Variants in KIAA0319 observed in about 807,000 individuals in gnomAD.
KIAA0319 encodes the protein KIAA0319.
KIAA0319 carries 83 observed loss-of-function variants against 108.4 expected under a neutral mutation model. That is an observed-to-expected ratio of 0.77 (90% confidence interval 0.64 to 0.92). The LOEUF (loss-of-function observed/expected upper bound fraction) is 0.92, where lower values mean the gene tolerates loss of function less well. KIAA0319 is among the 40% of genes least tolerant of loss of function. The probability of loss-of-function intolerance (pLI) is 0.00; values close to 1 mark genes in which losing one functional copy is unlikely to be tolerated. For synonymous variants in KIAA0319, 484 were observed against 510.4 expected (o/e 0.95, Z 0.70); for missense variants, 1,195 against 1,322.4 (o/e 0.90, Z 1.49).
intron 3 of KIAA0319, among the ~76,000 whole-genome samples, chr6:24,595,559 A>AC (rs1396964391): frequency 1.3e-5 from 2 of 149,260 alleles, no homozygotes; most frequent in Non-Finnish European, 3.0e-5. Flanking sequence ...AAAAAAAAAA[A>AC]AAAAAAAAAA....
At chr6:24,573,889 G>C (rs2744556) in intron 10 of KIAA0319, among the ~76,000 whole-genome samples, 28,947 of 151,884 alleles carry the variant, frequency 0.19, 3,035 homozygotes, top group African/African-American at 0.29. Flanking sequence ...GGCTACGGCG[G>C]GTGGATCATG....
intron 1 of KIAA0319, among the ~76,000 whole-genome samples, chr6:24,618,479 T>C (rs1053295467): frequency 3.3e-5 from 5 of 151,450 alleles, no homozygotes; most frequent in African/African-American, 9.7e-5. Context: ...CCAGGCATGG[T>C]GGTGTGCACT....
Position 24,596,479 on chromosome 6 carries a change from G to A in KIAA0319, c.195C>T (p.Ser65=), listed in dbSNP as rs781701803. Reference sequence around the variant, plus strand: ...CGAACCACCAGGCCAGGTCACAGCTGGACAGGTCACAGCAAGCGGCCGTGC... The same window carrying A: ...CGAACCACCAGGCCAGGTCACAGCTAGACAGGTCACAGCAAGCGGCCGTGC... ...VDCTAACCDL[S]SCDLAWWFEG... is the part of the protein sequence containing the mutation. The change falls in exon 3 of 21, where the codon TCC becomes TCT. Residue 65 remains serine (S), a synonymous_variant. Transcript: ENST00000378214. 10 of 1,614,160 alleles carry A rather than the reference G, an allele frequency of 6.2e-6. No homozygotes were observed. The highest frequency in any genetic ancestry group is 1.1e-5 in the South Asian group (1 of 91,080).
chr6:24,568,074 C>T (rs1353606305), intron 13 of KIAA0319, among the ~76,000 whole-genome samples: 1 of 152,204 alleles, frequency 6.6e-6, no homozygotes, highest in East Asian at 1.9e-4. Context: ...GTCCAAACCC[C>T]TAAGCATGGC....
In KIAA0319 at chr6:24,595,563, A is replaced by AAAAC. The variant is rs1554164885; in HGVS notation, c.801+309_801+310insGTTT. Reference sequence around the variant, plus strand: ...TTCAATCTCAAAAAAAAAAAAAAAAAAAAAAAACGCTACAGGCATTTCTAG... The same window carrying AAAAC: ...TTCAATCTCAAAAAAAAAAAAAAAAAAAACAAAAAAACGCTACAGGCATTTCTAG... On this transcript the variant is annotated intron_variant, in intron 3 of 20. Transcript: ENST00000378214. Among the ~76,000 whole-genome samples the AAAAC allele has an allele frequency of 1.1e-4, 16 of 143,084 alleles. 3 individuals carry two copies. Among genetic ancestry groups the AAAAC allele is most frequent in the East Asian group, 2.1e-4 (1 of 4,820 alleles). 93.9% of individuals were successfully genotyped at this position (143,084 alleles called of 152,430 possible). A position where few individuals can be genotyped will look rare whatever the true frequency, so the allele number is the denominator to read the frequency against.
intron 1 of KIAA0319, among the ~76,000 whole-genome samples, chr6:24,630,754 AC>A (rs1347854719): frequency 9.9e-5 from 15 of 151,096 alleles, no homozygotes; most frequent in African/African-American, 2.7e-4. Flanking sequence ...GTTGTATAAT[AC>A]TTTCATTCAA....
At chr6:24,590,838 C>T (rs1490334509) in intron 3 of KIAA0319, among the ~76,000 whole-genome samples, 3 of 152,190 alleles carry the variant, frequency 2.0e-5, no homozygotes, top group African/African-American at 7.2e-5. Flanking sequence ...CCACCCACAA[C>T]CTCCACCACA....
At chr6:24,589,722 T>C (rs1163346420) in intron 3 of KIAA0319, among the ~76,000 whole-genome samples, 1 of 152,242 alleles carries the variant, frequency 6.6e-6, no homozygotes, top group Non-Finnish European at 1.5e-5. Context: ...TTTATAGCAA[T>C]GTAAGAATGG....
chr6:24,544,810 T>G lies in KIAA0319; in HGVS notation c.*2355A>C, dbSNP rs1760436934. On this transcript the variant is annotated 3_prime_UTR_variant, in exon 21 of 21. Coordinates refer to ENST00000378214, the MANE Select transcript of KIAA0319 (RefSeq NM_014809.4). ...AAGAATGCTGGTTGGTCATTCCATCTCGTGCTTTGTTCTGATGAGAAATGG... is the reference window on the plus strand; with the variant it reads ...AAGAATGCTGGTTGGTCATTCCATCGCGTGCTTTGTTCTGATGAGAAATGG... The G allele has an allele frequency of 6.6e-6, 1 of 152,260 alleles. No individual in the cohort carries two copies. The highest frequency in any genetic ancestry group is 1.5e-5 in the Non-Finnish European group (1 of 68,068). 9.4% of individuals were successfully genotyped at this position (152,260 alleles called of 1,614,324 possible). A position where few individuals can be genotyped will look rare whatever the true frequency, so the allele number is the denominator to read the frequency against.
At position 24,582,327 on chromosome 6, in the gene KIAA0319, T is replaced by C. The variant is rs1390509865; in HGVS notation, c.1113A>G (p.Glu371=). The C allele has an allele frequency of 6.2e-7, 1 of 1,609,830 alleles. No homozygotes were observed. Among genetic ancestry groups the C allele is most frequent in the Non-Finnish European group, 8.5e-7 (1 of 1,176,364 alleles). The change falls in exon 6 of 21, where the codon GAA becomes GAG. Residue 371 remains glutamate (E), a synonymous_variant. Transcript: ENST00000378214. The stretch of plus-strand genomic sequence containing the variant: ...CTGTGGGGTGGCTTATTAAATTCCA[T>C]TCATAGTTGTAGGTTGTTTCTGAGA... ...APPVETTYNY[E]WNLISHPTDY...
rs768997355 is a variant in KIAA0319 at position 24,583,612 on chromosome 6, G to A, written c.1085C>T (p.Pro362Leu). Reference protein sequence around the residue: ...VELKAFVAPAPPVETTYNYEW... With the variant: ...VELKAFVAPALPVETTYNYEW... ...GAAGGTTAAACTCTCACCTACAGGT[G>A]GCGCTGGCGCAACAAAGGCCTTCAG... Residue 362 changes from proline (P) to leucine (L), a missense_variant, in exon 5 of 21, where the codon CCA becomes CTA. Transcript: ENST00000378214. 29 of 1,611,670 alleles carry A rather than the reference G, an allele frequency of 1.8e-5. No homozygotes were observed. The highest frequency in any genetic ancestry group is 2.4e-5 in the Non-Finnish European group (28 of 1,178,010).
At chr6:24,598,928 T>C (rs1770173477) in intron 2 of KIAA0319, 11 of 509,420 alleles carry the variant, frequency 2.2e-5, no homozygotes. Context: ...AGAATGAATT[T>C]GTCCTCATCA....
chr6:24,558,291 A>T (rs2760167), intron 17 of KIAA0319, among the ~76,000 whole-genome samples: 44,129 of 151,312 alleles, frequency 0.29, 7,736 homozygotes, highest in African/African-American at 0.49. Flanking sequence ...AAGAAAAGAA[A>T]AAAGGAGTTA....
rs1374738684 is a variant in KIAA0319 at position 24,547,285 on chromosome 6, A to C, written c.3099T>G (p.Phe1033Leu). The C allele has an allele frequency of 1.9e-6, 3 of 1,614,040 alleles. No individual in the cohort carries two copies. Among genetic ancestry groups the C allele is most frequent in the Non-Finnish European group, 2.5e-6 (3 of 1,180,012 alleles). Residue 1033 changes from phenylalanine (F) to leucine (L), a missense_variant, in exon 21 of 21, where the codon TTT becomes TTG. Transcript: ENST00000378214. ...TGAAGATTGTGTCCTGGTCACTGTCAAACTCAGACTCGGATACCATCAGGC... is the reference window on the plus strand; with the variant it reads ...TGAAGATTGTGTCCTGGTCACTGTCCAACTCAGACTCGGATACCATCAGGC... ...NSSLMVSESE[F>L]DSDQDTIFSR...
At chr6:24,556,876 A>G in intron 17 of KIAA0319, 147 bp from the exon 18 acceptor site, 1 of 921,696 alleles carries the variant, frequency 1.1e-6, no homozygotes. Flanking sequence ...GGGGTTCTGG[A>G]GATAGTCTCT....
chr6:24,630,716 C>CACAA, intron 1 of KIAA0319, among the ~76,000 whole-genome samples: 1 of 146,868 alleles, frequency 6.8e-6, no homozygotes, highest in Non-Finnish European at 1.5e-5. Flanking sequence ...CATATACACA[C>CACAA]AAACTTTAGT....
At chr6:24,641,349 G>T (rs1371785519) in intron 1 of KIAA0319, among the ~76,000 whole-genome samples, 1 of 152,198 alleles carries the variant, frequency 6.6e-6, no homozygotes, top group Non-Finnish European at 1.5e-5. Flanking sequence ...GGAGTAATGT[G>T]TTCATGTAAC....
In KIAA0319 at chr6:24,556,728, A is replaced by G; in HGVS notation, c.2736T>C (p.Gly912=). Residue 912 remains glycine (G), a splice_region_variant and synonymous_variant, in exon 18 of 21, where the codon GGT becomes GGC. Transcript: ENST00000378214. ...LFKVLRVDTA[G]CLLKCSGHGH... ...CATGGCCAGAACACTTCAGAAGGCA[A>G]CCTGCAAAGAGGTGTGTAGGGCTGA... 5 of 1,613,340 alleles carry G rather than the reference A, an allele frequency of 3.1e-6. No homozygotes were observed. Among genetic ancestry groups the G allele is most frequent in the Non-Finnish European group, 3.4e-6 (4 of 1,179,792 alleles).
At position 24,574,310 on chromosome 6, in the gene KIAA0319, G is replaced by A. The variant is rs113417706; in HGVS notation, c.1735-1612C>T. On this transcript the variant is annotated intron_variant, in intron 10 of 20. Transcript: ENST00000378214. ...AAATTAGCCAGGTGTAGTGGTGTGT[G>A]CCTGTGGTCCTAGCTACTCGGGAGG... Among the ~76,000 whole-genome samples, 1,231 of 151,876 alleles carry A rather than the reference G, an allele frequency of 8.1e-3. 25 individuals carry two copies. Among genetic ancestry groups the A allele is most frequent in the African/African-American group, 0.028 (1,163 of 41,380 alleles).
Sources: gnomAD v4.1 joint callset for allele counts (sites outside exome capture counted in the v4.1 genomes callset) on GRCh38, gnomAD v4.1.1 for gene constraint, MANE v1.5 for transcripts, NCBI Gene and HGNC (gene_info 2026-07-23, HGNC 2026-07-21) for gene names.